Variants in CDH18 observed in about 807,000 individuals in gnomAD.
CDH18 encodes the protein cadherin-18.
CDH18 carries 31 observed loss-of-function variants against 67.9 expected under a neutral mutation model. The ratio of observed to expected loss-of-function variants is 0.46; its 90% CI spans 0.34 to 0.62. The LOEUF (loss-of-function observed/expected upper bound fraction) is 0.62. Among genes scored for constraint, CDH18 ranks in the 20% least tolerant of loss-of-function variants. The pLI is 0.01. For synonymous variants in CDH18, 362 were observed against 347.2 expected (o/e 1.04, Z -0.48); for missense variants, 890 against 975.5 (o/e 0.91, Z 1.17).
intron 2 of CDH18, among the ~76,000 whole-genome samples, chr5:20,042,406 A>T (rs1580107343): frequency 6.6e-6 from 1 of 152,198 alleles, no homozygotes; most frequent in East Asian, 1.9e-4. Flanking sequence ...TTTCCCTAAG[A>T]TTTAGCTATC....
chr5:19,505,786 T>G (rs1744041716), intron 10 of CDH18, among the ~76,000 whole-genome samples: 1 of 152,086 alleles, frequency 6.6e-6, no homozygotes, highest in Non-Finnish European at 1.5e-5. Flanking sequence ...TCTCTTTTTT[T>G]GTTGTGTCTC....
chr5:20,188,792 TTATTTGCTATTCTTA>T (rs894333807), intron 2 of CDH18, among the ~76,000 whole-genome samples: 8 of 151,382 alleles, frequency 5.3e-5, no homozygotes, highest in African/African-American at 1.9e-4. Flanking sequence ...GCCATTTTCT[TTATTTGCTATTCTTA>T]TTGTGGCAAA....
intron 1 of CDH18, among the ~76,000 whole-genome samples, chr5:20,366,799 A>G (rs1742558007): frequency 6.6e-6 from 1 of 152,184 alleles, no homozygotes; most frequent in East Asian, 1.9e-4. Context: ...TAAAGCCAAC[A>G]TATAGAAAGC....
chr5:20,468,736 A>T (rs2150235244), intron 1 of CDH18, among the ~76,000 whole-genome samples: 1 of 152,348 alleles, frequency 6.6e-6, no homozygotes, highest in Non-Finnish European at 1.5e-5. Context: ...TAGATGAGTC[A>T]TATAATTCAG....
chr5:20,341,334 T>C (rs377718714), intron 1 of CDH18, among the ~76,000 whole-genome samples: 3 of 152,036 alleles, frequency 2.0e-5, no homozygotes, highest in African/African-American at 7.2e-5. Flanking sequence ...AGGCCTAGCC[T>C]CCCAGCCTAC....
intron 1 of CDH18, among the ~76,000 whole-genome samples, chr5:20,528,244 A>G (rs1756186585): frequency 6.6e-6 from 1 of 152,044 alleles, no homozygotes; most frequent in Admixed American, 6.5e-5. Flanking sequence ...CCAATACAAG[A>G]GCACCCAGAT....
intron 2 of CDH18, among the ~76,000 whole-genome samples, chr5:20,105,623 G>A (rs1393855612): frequency 6.6e-6 from 1 of 152,038 alleles, no homozygotes; most frequent in Non-Finnish European, 1.5e-5. Flanking sequence ...TTATCTCTAT[G>A]AATTTGCTTA....
At chr5:19,697,728 A>T (rs1762717787) in intron 5 of CDH18, among the ~76,000 whole-genome samples, 2 of 152,162 alleles carry the variant, frequency 1.3e-5, no homozygotes, top group South Asian at 2.1e-4. Flanking sequence ...GGGTCACAAG[A>T]AGAAAAATTG....
intron 1 of CDH18, among the ~76,000 whole-genome samples, chr5:20,471,168 C>A (rs1177679685): frequency 6.7e-6 from 1 of 150,190 alleles, no homozygotes; most frequent in African/African-American, 2.5e-5. Flanking sequence ...AAGAGCAAGG[C>A]CACTTCTCAG....
intron 5 of CDH18, among the ~76,000 whole-genome samples, chr5:19,691,461 G>A (rs1242348961): frequency 6.6e-6 from 1 of 151,856 alleles, no homozygotes; most frequent in African/African-American, 2.4e-5. Flanking sequence ...GTCTTTCTTT[G>A]CTGATAAGGT....
At chr5:19,950,062 A>G (rs185097568) in intron 2 of CDH18, among the ~76,000 whole-genome samples, 29 of 151,258 alleles carry the variant, frequency 1.9e-4, no homozygotes, top group Non-Finnish European at 4.0e-4. Flanking sequence ...ATATATACAT[A>G]TATATGTATA....
chr5:19,482,351 C>T (rs538924683), intron 12 of CDH18, among the ~76,000 whole-genome samples: 1 of 152,126 alleles, frequency 6.6e-6, no homozygotes, highest in African/African-American at 2.4e-5. Context: ...CTCCTGACTT[C>T]GTGATCCGCC....
chr5:20,141,432 A>G (rs1018471177), intron 2 of CDH18, among the ~76,000 whole-genome samples: 1 of 152,166 alleles, frequency 6.6e-6, no homozygotes, highest in Non-Finnish European at 1.5e-5. Context: ...CTGTATGAAA[A>G]AGAATTTATG....
intron 1 of CDH18, among the ~76,000 whole-genome samples, chr5:20,289,457 C>T (rs1233824823): frequency 4.0e-5 from 6 of 151,880 alleles, no homozygotes; most frequent in Admixed American, 2.6e-4. Context: ...GCCACTTTAA[C>T]TATTGTAAAT....
At chr5:20,490,924 A>G (rs1383177224) in intron 1 of CDH18, among the ~76,000 whole-genome samples, 1 of 152,124 alleles carries the variant, frequency 6.6e-6, no homozygotes, top group African/African-American at 2.4e-5. Flanking sequence ...GGAATACAAA[A>G]CATTAAATGA....
At chr5:19,828,601 C>T (rs1195915425) in intron 3 of CDH18, among the ~76,000 whole-genome samples, 3 of 152,164 alleles carry the variant, frequency 2.0e-5, no homozygotes, top group South Asian at 2.1e-4. Context: ...AATCAATAAG[C>T]GTGATTCATC....
intron 2 of CDH18, chr5:20,158,657 C>T (rs1185900006): frequency 6.0e-6 from 1 of 167,402 alleles, no homozygotes; most frequent in African/African-American, 2.4e-5. Context: ...ACAAAACTGC[C>T]TCACTCATGC....
At chr5:20,205,968 A>G (rs1031390355) in intron 2 of CDH18, among the ~76,000 whole-genome samples, 1 of 151,870 alleles carries the variant, frequency 6.6e-6, no homozygotes, top group African/African-American at 2.4e-5. Context: ...CAAACCCAGA[A>G]TTAATACAGG....
chr5:20,371,767 G>A (rs1164600291), intron 1 of CDH18, among the ~76,000 whole-genome samples: 2 of 152,192 alleles, frequency 1.3e-5, no homozygotes, highest in Non-Finnish European at 2.9e-5. Context: ...AACAAGACGG[G>A]TGATGGGATT....
Sources: gnomAD v4.1 joint callset for allele counts (sites outside exome capture counted in the v4.1 genomes callset) on GRCh38, gnomAD v4.1.1 for gene constraint, MANE v1.5 for transcripts, NCBI Gene and HGNC (gene_info 2026-07-23, HGNC 2026-07-21) for gene names.